The following TTLL11 variants were observed in gnomAD, a reference collection of about 807,000 sequenced individuals.
TTLL11 encodes the protein tubulin tyrosine ligase like 11.
A neutral mutation model predicts 51.7 loss-of-function variants in TTLL11; 42 were observed. The observed-to-expected ratio is 0.81, with a 90% CI of 0.64 to 1.05. TTLL11 has a LOEUF of 1.05. Among genes scored for constraint, TTLL11 ranks in the 50% least tolerant of loss-of-function variants. The probability of loss-of-function intolerance (pLI) is 0.00; values close to 1 mark genes in which losing one functional copy is unlikely to be tolerated. For missense variants in TTLL11, 799 were observed against 940.4 expected, an observed-to-expected ratio of 0.85 and a Z score of 1.97; for synonymous variants, 381 against 383.5, an observed-to-expected ratio of 0.99 and a Z score of 0.08.
chr9:121,931,383 A>G (rs1445193321), intron 6 of TTLL11, among the ~76,000 whole-genome samples: 6 of 152,204 alleles, frequency 3.9e-5, no homozygotes, highest in Non-Finnish European at 8.8e-5. Context: ...TTGTTGGAGC[A>G]GAAGTAATAT....
At chr9:121,856,115 A>G (rs1837810072) in intron 8 of TTLL11, among the ~76,000 whole-genome samples, 1 of 152,230 alleles carries the variant, frequency 6.6e-6, no homozygotes, top group Admixed American at 6.5e-5. Flanking sequence ...TCTGTCACCC[A>G]GGCTGGAGTG....
Position 122,000,471 on chromosome 9 carries a change from C to CAAAAAAA in TTLL11, c.694-10708_694-10702dup, listed in dbSNP as rs57775265. On this transcript the variant is annotated intron_variant, in intron 3 of 8. Coordinates refer to ENST00000321582, the MANE Select transcript of TTLL11 (RefSeq NM_001139442.2). The stretch of plus-strand genomic sequence containing the variant: ...TGGGTGACAGAGTGAGACTCCGTCG[C>CAAAAAAA]AAAAAAAAAAAAAAAAAAAAAAAAA... 6.1e-4 allele frequency among the ~76,000 whole-genome samples: 14 copies of CAAAAAAA among 22,822 alleles called. 1 individual carries two copies. The highest frequency in any genetic ancestry group is 9.1e-4 in the Non-Finnish European group (10 of 11,026). The allele number at this position is 22,822 out of a possible 152,430, so 15.0% of individuals were successfully genotyped here.
intron 8 of TTLL11, among the ~76,000 whole-genome samples, chr9:121,827,511 G>A (rs965176321): frequency 2.6e-5 from 4 of 152,148 alleles, no homozygotes; most frequent in Non-Finnish European, 5.9e-5. Flanking sequence ...CCTCCAAAAA[G>A]AAACTGAACG....
At chr9:121,871,479 G>A (rs1838354900) in intron 6 of TTLL11, among the ~76,000 whole-genome samples, 1 of 152,086 alleles carries the variant, frequency 6.6e-6, no homozygotes, top group Admixed American at 6.5e-5. Context: ...CAGAATAAAT[G>A]CCGACTCCTC....
At chr9:121,849,328 A>G (rs73540819) in intron 8 of TTLL11, among the ~76,000 whole-genome samples, 8,155 of 152,338 alleles carry the variant, frequency 0.054, 324 homozygotes, top group Admixed American at 0.095. Context: ...GAGAAAATCT[A>G]GATGACCTCG....
intron 3 of TTLL11, among the ~76,000 whole-genome samples, chr9:122,029,206 C>T (rs947562867): frequency 2.0e-5 from 3 of 152,106 alleles, no homozygotes; most frequent in South Asian, 2.1e-4. Flanking sequence ...TAAACTACTA[C>T]GTTACTAGCT....
chr9:122,033,633 C>G (rs998350244), intron 2 of TTLL11, among the ~76,000 whole-genome samples: 1 of 152,096 alleles, frequency 6.6e-6, no homozygotes, highest in Non-Finnish European at 1.5e-5. Flanking sequence ...TAAATTCCCA[C>G]GTTCAGAAAG....
chr9:121,987,231 G>C (rs1321620179), intron 4 of TTLL11, among the ~76,000 whole-genome samples: 3 of 152,142 alleles, frequency 2.0e-5, no homozygotes, highest in African/African-American at 7.2e-5. Flanking sequence ...ATCTTGGGTT[G>C]GGAGGAAGGT....
chr9:121,822,716 C>G lies in TTLL11; in HGVS notation c.2004G>C (p.Ser668=), dbSNP rs1033790962. The G allele has an allele frequency of 8.4e-6, 13 of 1,550,650 alleles. No homozygotes were observed. The highest frequency in any genetic ancestry group is 1.2e-5 in the South Asian group (1 of 84,026). The change falls in exon 9 of 9, where the codon TCG becomes TCC. Residue 668 remains serine, a synonymous_variant. Coordinates refer to ENST00000321582, the MANE Select transcript of TTLL11 (RefSeq NM_001139442.2). This position sits in a 1 kb window ranked among gnomAD's most constrained non-coding sequence, Gnocchi z 5.8. ...KRLVCGRGVP[S]GGRPPHRGPP... ...GGCCACGGTGTGGGGGCCGGCCCCC[C>G]GACGGGACGCCCCGGCCACACACCA...
intron 3 of TTLL11, among the ~76,000 whole-genome samples, chr9:122,023,039 A>T (rs2131785108): frequency 6.6e-6 from 1 of 152,082 alleles, no homozygotes; most frequent in Middle Eastern, 3.4e-3. Flanking sequence ...AAGGAAATCA[A>T]TAAAACTGAA....
intron 6 of TTLL11, among the ~76,000 whole-genome samples, chr9:121,921,272 T>C (rs73546457): frequency 0.055 from 8,304 of 152,232 alleles, 598 homozygotes; most frequent in African/African-American, 0.17. Context: ...ATGAGTTTCA[T>C]GCCTGTTTTG....
intron 3 of TTLL11, among the ~76,000 whole-genome samples, chr9:122,027,219 G>A (rs1354918636): frequency 6.6e-6 from 1 of 152,116 alleles, no homozygotes; most frequent in East Asian, 1.9e-4. Flanking sequence ...CTATCACTAT[G>A]CAACACCAAG....
intron 6 of TTLL11, among the ~76,000 whole-genome samples, chr9:121,954,678 G>GCACACA (rs71371904): frequency 0.02 from 2,925 of 149,342 alleles, 32 homozygotes; most frequent in African/African-American, 0.025. Context: ...ACACACAGAC[G>GCACACA]CACACACACA....
intron 6 of TTLL11, among the ~76,000 whole-genome samples, chr9:121,936,104 A>G (rs768574967): frequency 6.6e-6 from 1 of 152,152 alleles, no homozygotes; most frequent in Non-Finnish European, 1.5e-5. Flanking sequence ...TGCTTGGAGA[A>G]TGGTAGATGA....
intron 6 of TTLL11, among the ~76,000 whole-genome samples, chr9:121,959,363 C>T (rs761379930): frequency 6.6e-5 from 10 of 152,172 alleles, no homozygotes; most frequent in Non-Finnish European, 1.2e-4. Flanking sequence ...CATGAGCCCC[C>T]GGCCCATGTA....
At position 121,944,533 on chromosome 9, in the gene TTLL11, G is replaced by A. The variant is rs191278083; in HGVS notation, c.1481+29476C>T. On this transcript the variant is annotated intron_variant, in intron 6 of 8. Transcript: ENST00000321582. ...AAAAAAAAGGAAAAGAAAATATTGA[G>A]TTCCTTTAAGTGAATTGACAGTAAT... Among the ~76,000 whole-genome samples, 5 of 152,080 alleles carry A rather than the reference G, an allele frequency of 3.3e-5. No homozygotes were observed. In the East Asian group the frequency reaches 9.7e-4, roughly 29 times the overall value.
intron 6 of TTLL11, among the ~76,000 whole-genome samples, chr9:121,928,109 C>G (rs1840813545): frequency 6.6e-6 from 1 of 152,068 alleles, no homozygotes. Flanking sequence ...GTGGGAGGGG[C>G]AGTACCAGAG....
At chr9:122,023,636 A>G (rs1844239022) in intron 3 of TTLL11, among the ~76,000 whole-genome samples, 2 of 152,000 alleles carry the variant, frequency 1.3e-5, no homozygotes, top group Non-Finnish European at 2.9e-5. Context: ...GGTTTGTTTA[A>G]TATTTAAAAA....
At chr9:121,971,747 A>G (rs1244589855) in intron 6 of TTLL11, among the ~76,000 whole-genome samples, 8 of 64,670 alleles carry the variant, frequency 1.2e-4, no homozygotes, top group Admixed American at 5.1e-4. Context: ...CTGCCTTGGG[A>G]AAAAAAAAAA....
Sources: gnomAD v4.1 joint callset for allele counts (sites outside exome capture counted in the v4.1 genomes callset) on GRCh38, gnomAD v4.1.1 for gene constraint, Gnocchi (gnomAD v3.1) non-coding constraint, MANE v1.5 for transcripts, NCBI Gene and HGNC (gene_info 2026-07-23, HGNC 2026-07-21) for gene names.